Variants in REEP1 observed in about 807,000 individuals in gnomAD.
The protein encoded by REEP1 is receptor accessory protein 1.
REEP1 carries 22 observed loss-of-function variants against 40.3 expected under a neutral mutation model. The ratio of observed to expected loss-of-function variants is 0.55; its 90% CI spans 0.39 to 0.78. The LOEUF (loss-of-function observed/expected upper bound fraction) is 0.78. REEP1 is among the 30% of genes least tolerant of loss of function. The pLI, the probability that REEP1 is intolerant of heterozygous loss-of-function variation, is 0.00. For missense variants in REEP1, 280 were observed against 361.1 expected, an observed-to-expected ratio of 0.78 and a Z score of 1.82; for synonymous variants, 116 against 139.2, an observed-to-expected ratio of 0.83 and a Z score of 1.17.
Position 86,227,400 on chromosome 2 carries a change from T to G in REEP1, c.596-2A>C. ...TGCAGGTGGAGCAGCAGGTACACACTGTGGGAATGGGGTAGGGGCACCATC... is the reference window on the plus strand; with the variant it reads ...TGCAGGTGGAGCAGCAGGTACACACGGTGGGAATGGGGTAGGGGCACCATC... On this transcript the variant is annotated splice_acceptor_variant, in intron 6 of 8. Coordinates refer to ENST00000538924, the MANE Select transcript of REEP1 (RefSeq NM_001371279.1). LOFTEE classifies it high-confidence loss of function. 1 of 1,232,334 alleles carries G rather than the reference T, an allele frequency of 8.1e-7. No individual in the cohort carries two copies. 76.3% of individuals were successfully genotyped at this position (1,232,334 alleles called of 1,614,324 possible). A position where few individuals can be genotyped will look rare whatever the true frequency, so the allele number is the denominator to read the frequency against.
At chr2:86,298,866 G>A (rs1679125062) in intron 1 of REEP1, among the ~76,000 whole-genome samples, 1 of 152,202 alleles carries the variant, frequency 6.6e-6, no homozygotes, top group South Asian at 2.1e-4. Context: ...TCCTGGGTCA[G>A]CAAGGCAGAG....
intron 1 of REEP1, among the ~76,000 whole-genome samples, chr2:86,299,253 T>C (rs1679150850): frequency 6.6e-6 from 1 of 152,202 alleles, no homozygotes; most frequent in Non-Finnish European, 1.5e-5. Flanking sequence ...ATCCTATGCA[T>C]TCTTCTAATG....
Position 86,214,319 on chromosome 2 carries a change from AT to A in REEP1, c.*2719del, listed in dbSNP as rs1673992526. 1 of 152,710 alleles carries A rather than the reference AT, an allele frequency of 6.5e-6. No homozygotes were observed. The highest frequency in any genetic ancestry group is 2.4e-5 in the African/African-American group (1 of 41,462). 9.5% of individuals were successfully genotyped at this position (152,710 alleles called of 1,614,324 possible). A position where few individuals can be genotyped will look rare whatever the true frequency, so the allele number is the denominator to read the frequency against. On this transcript the variant is annotated 3_prime_UTR_variant, in exon 9 of 9. Transcript: ENST00000538924. ...TGACAAGCACTCTTATCACAAACAC[AT>A]GGATAGCTTATCACGGAGAACACAT...
intron 2 of REEP1, among the ~76,000 whole-genome samples, chr2:86,279,491 T>G (rs1372766731): frequency 2.6e-5 from 4 of 152,162 alleles, no homozygotes; most frequent in African/African-American, 9.6e-5. Flanking sequence ...GGCACAACAA[T>G]GGCTCCCCAA....
chr2:86,309,854 T>TG (rs1679676947), intron 1 of REEP1, among the ~76,000 whole-genome samples: 3 of 152,110 alleles, frequency 2.0e-5, no homozygotes, highest in Non-Finnish European at 4.4e-5. Flanking sequence ...AATACGAATT[T>TG]GGGGGGGCAA....
At chr2:86,231,295 T>G (rs866417741) in intron 6 of REEP1, among the ~76,000 whole-genome samples, 1 of 152,114 alleles carries the variant, frequency 6.6e-6, no homozygotes, top group Non-Finnish European at 1.5e-5. Context: ...CAGCCGAGCC[T>G]CCACCTCCCC....
intron 4 of REEP1, 129 bp from the exon 5 acceptor site, chr2:86,252,199 T>C: frequency 2.7e-6 from 2 of 743,470 alleles, no homozygotes; most frequent in Non-Finnish European, 4.9e-6. Context: ...TGAAAAGCTG[T>C]AGGCACTTTG....
intron 1 of REEP1, among the ~76,000 whole-genome samples, chr2:86,327,753 C>T (rs1005342904): frequency 2.0e-5 from 3 of 151,950 alleles, no homozygotes; most frequent in African/African-American, 7.3e-5. Context: ...ATTTTTAGTG[C>T]AGACGGGATT....
intron 2 of REEP1, among the ~76,000 whole-genome samples, chr2:86,269,843 A>T (rs1677339524): frequency 6.8e-6 from 1 of 148,076 alleles, no homozygotes. Flanking sequence ...TTAAAATATA[A>T]AAAAAAAACT....
At chr2:86,238,726 G>C (rs1385973798) in intron 5 of REEP1, among the ~76,000 whole-genome samples, 4 of 152,186 alleles carry the variant, frequency 2.6e-5, no homozygotes, top group African/African-American at 9.7e-5. Context: ...ACATCAGAGA[G>C]GCAAGGCATC....
At chr2:86,263,676 G>A (rs1324435924) in intron 3 of REEP1, among the ~76,000 whole-genome samples, 3 of 152,188 alleles carry the variant, frequency 2.0e-5, no homozygotes, top group East Asian at 1.9e-4. Context: ...TTTAACGTAC[G>A]AATGCTTCTT....
chr2:86,320,554 T>G lies in REEP1; in HGVS notation c.32+16925A>C, dbSNP rs2104513418. ...AATTGCCCCTGAAAAATAGTTTAGA[T>G]GCTAGAATTATCAGACTCCGAACAT... On this transcript the variant is annotated intron_variant, in intron 1 of 8. Transcript: ENST00000538924. Among the ~76,000 whole-genome samples the G allele has an allele frequency of 1.3e-5, 2 of 152,334 alleles. 1 individual carries two copies. Among genetic ancestry groups the G allele is most frequent in the South Asian group, 4.1e-4 (2 of 4,826 alleles).
intron 1 of REEP1, among the ~76,000 whole-genome samples, chr2:86,325,388 T>G (rs1276382390): frequency 1.3e-5 from 2 of 152,204 alleles, no homozygotes; most frequent in African/African-American, 4.8e-5. Context: ...TGTGGTCAGC[T>G]GAGTAATGGC....
chr2:86,297,350 A>G (rs556965847), intron 1 of REEP1, among the ~76,000 whole-genome samples: 2 of 152,224 alleles, frequency 1.3e-5, no homozygotes, highest in African/African-American at 2.4e-5. Context: ...CACTTGTTTT[A>G]TCTCCTCTGC....
chr2:86,239,684 A>T (rs1675568243), intron 5 of REEP1, among the ~76,000 whole-genome samples: 1 of 152,248 alleles, frequency 6.6e-6, no homozygotes, highest in East Asian at 1.9e-4. Context: ...TGGGATTAAC[A>T]AACCAAACAG....
At chr2:86,305,626 G>A (rs1289477791) in intron 1 of REEP1, among the ~76,000 whole-genome samples, 1 of 152,142 alleles carries the variant, frequency 6.6e-6, no homozygotes, top group Non-Finnish European at 1.5e-5. Flanking sequence ...CTGAACATCT[G>A]CCCTTCTACC....
chr2:86,246,814 G>C (rs1284533404), intron 5 of REEP1, among the ~76,000 whole-genome samples: 2 of 150,534 alleles, frequency 1.3e-5, no homozygotes, highest in African/African-American at 4.9e-5. Flanking sequence ...AGATTCTCCT[G>C]TCTCAGCCTT....
chr2:86,308,795 A>G (rs1679621806), intron 1 of REEP1, among the ~76,000 whole-genome samples: 1 of 152,230 alleles, frequency 6.6e-6, no homozygotes, highest in Non-Finnish European at 1.5e-5. Flanking sequence ...TATAAGTAAC[A>G]GAAATGGACT....
Position 86,337,371 on chromosome 2 carries a change from T to G in REEP1, c.32+108A>C. 1.7e-5 allele frequency: 11 copies of G among 640,584 alleles called. No homozygotes were observed. Among genetic ancestry groups the G allele is most frequent in the Non-Finnish European group, 1.9e-5 (9 of 465,594 alleles). 39.7% of individuals were successfully genotyped at this position (640,584 alleles called of 1,614,324 possible). A position where few individuals can be genotyped will look rare whatever the true frequency, so the allele number is the denominator to read the frequency against. ...ACCTGCTAAATTTAGCTGCGCCGGG[T>G]ATTAATAGCCCGAGCCACTGGGACC... On this transcript the variant is annotated intron_variant, in intron 1 of 8. Transcript: ENST00000538924. The surrounding 1 kb of genome is among the most constrained non-coding windows in gnomAD (Gnocchi z 5.8).
Sources: gnomAD v4.1 joint callset for allele counts (sites outside exome capture counted in the v4.1 genomes callset) on GRCh38, gnomAD v4.1.1 for gene constraint, Gnocchi (gnomAD v3.1) non-coding constraint, MANE v1.5 for transcripts, NCBI Gene and HGNC (gene_info 2026-07-23, HGNC 2026-07-21) for gene names.